Variants in VWF observed in about 807,000 individuals in gnomAD.
VWF encodes the protein von Willebrand factor.
In VWF, 176 loss-of-function variants were observed where a neutral mutation model predicts 308.6. That is an observed-to-expected ratio of 0.57 (90% confidence interval 0.50 to 0.65). The LOEUF (loss-of-function observed/expected upper bound fraction) is 0.65, where lower values mean the gene tolerates loss of function less well. Ranked by LOEUF, VWF falls within the 30% of genes least tolerant of loss-of-function variation. VWF has a pLI of 0.00. For missense variants in VWF, 3,146 were observed against 3,648.2 expected, an observed-to-expected ratio of 0.86 and a Z score of 3.55; for synonymous variants, 1,385 against 1,443.4, an observed-to-expected ratio of 0.96 and a Z score of 0.92.
At chr12:6,044,175 T>C (rs146679941) in intron 18 of VWF, 116 bp downstream of exon 18, 353 of 1,341,176 alleles carry the variant, frequency 2.6e-4, no homozygotes, top group Non-Finnish European at 3.5e-4. Flanking sequence ...ACCACCTCCA[T>C]TGCTATCCGT....
intron 38 of VWF, 84 bp from the exon 39 acceptor site, chr12:5,985,749 T>G: frequency 1.5e-6 from 2 of 1,301,356 alleles, no homozygotes; most frequent in Non-Finnish European, 2.2e-6. Context: ...TCTCCCTGCC[T>G]CCGGCAAGGG....
At chr12:6,120,192 G>A (rs1460165414) in intron 3 of VWF, among the ~76,000 whole-genome samples, 2 of 152,226 alleles carry the variant, frequency 1.3e-5, no homozygotes, top group Non-Finnish European at 2.9e-5. Flanking sequence ...TCTCAGGTAA[G>A]TGTCCAGGTG....
At chr12:6,032,198 G>GAA (rs1260911085) in intron 20 of VWF, among the ~76,000 whole-genome samples, 20 of 151,946 alleles carry the variant, frequency 1.3e-4, no homozygotes, top group African/African-American at 4.6e-4. Flanking sequence ...GTGATGTGAT[G>GAA]AAAAAGAAAG....
chr12:6,103,495 TAC>T lies in VWF; in HGVS notation c.532+6877_532+6878del, dbSNP rs540437486. 2.1e-3 allele frequency among the ~76,000 whole-genome samples: 291 copies of T among 135,750 alleles called. 26 individuals carry two copies. The highest frequency in any genetic ancestry group is 0.014 in the East Asian group (68 of 4,932). 89.1% of individuals were successfully genotyped at this position (135,750 alleles called of 152,430 possible). A position where few individuals can be genotyped will look rare whatever the true frequency, so the allele number is the denominator to read the frequency against. ...ATGTGTGTATATACATATATGTGTA[TAC>T]ACACACGTATATATATACACACATA... On this transcript the variant is annotated intron_variant, in intron 5 of 51. Coordinates refer to ENST00000261405, the MANE Select transcript of VWF (RefSeq NM_000552.5).
chr12:5,972,409 A>G (rs546059379), intron 43 of VWF, among the ~76,000 whole-genome samples: 1 of 152,346 alleles, frequency 6.6e-6, no homozygotes, highest in East Asian at 1.9e-4. Context: ...AAGAATAGTC[A>G]AAGCAATGAC....
intron 6 of VWF, among the ~76,000 whole-genome samples, chr12:6,089,166 G>A (rs532763754): frequency 6.6e-5 from 10 of 152,224 alleles, no homozygotes; most frequent in South Asian, 2.1e-4. Flanking sequence ...GGGGCCCTGC[G>A]GGACTACACA....
Position 6,029,399 on chromosome 12 carries a change from G to C in VWF, c.2910C>G (p.Leu970=). The C allele has an allele frequency of 6.2e-7, 1 of 1,614,092 alleles. No homozygotes were observed. Among genetic ancestry groups the C allele is most frequent in the Non-Finnish European group, 8.5e-7 (1 of 1,180,018 alleles). ...TCAGGTGGCGGTCCCAGACCACGGA[G>C]AGGGCTTTGCCCAGCAGCAGAATGA... ...RYIILLLGKA[L]SVVWDRHLSI... Residue 970 remains leucine, a synonymous_variant, in exon 22 of 52, where the codon CTC becomes CTG. Transcript: ENST00000261405.
intron 37 of VWF, 114 bp from the exon 38 acceptor site, chr12:5,992,132 A>G: frequency 1.0e-6 from 1 of 977,454 alleles, no homozygotes; most frequent in African/African-American, 1.6e-5. Context: ...AGAGACGGCT[A>G]TTTTCCACCA....
rs1231213969 is a variant in VWF, at chr12:6,020,117, T to A, written c.3675-374A>T. On this transcript the variant is annotated intron_variant, in intron 27 of 51. Coordinates refer to ENST00000261405, the MANE Select transcript of VWF (RefSeq NM_000552.5). The surrounding 1 kb of genome is among the most constrained non-coding windows in gnomAD (Gnocchi z 4.3). ...TACTTAATTATAATCCAAGCCTTCT[T>A]ACAAGTGTCTCCAAGAACAAATGTT... is the stretch of plus-strand genomic sequence containing the variant. Among the ~76,000 whole-genome samples the A allele has an allele frequency of 1.3e-5, 2 of 152,260 alleles. No individual in the cohort carries two copies. The highest frequency in any genetic ancestry group is 2.9e-5 in the Non-Finnish European group (2 of 68,044).
intron 6 of VWF, among the ~76,000 whole-genome samples, chr12:6,079,315 C>T (rs144498997): frequency 3.3e-4 from 51 of 152,292 alleles, no homozygotes; most frequent in African/African-American, 1.2e-3. Context: ...GACACAGAAA[C>T]AGGTCCAAGG....
chr12:6,012,456 C>A (rs1480783291), intron 32 of VWF, among the ~76,000 whole-genome samples: 3 of 152,220 alleles, frequency 2.0e-5, no homozygotes, highest in Non-Finnish European at 4.4e-5. Context: ...AAGCAAGATC[C>A]TGGAAACCTG....
chr12:6,040,331 T>C (rs1944383550), intron 18 of VWF, among the ~76,000 whole-genome samples: 1 of 152,296 alleles, frequency 6.6e-6, no homozygotes, highest in South Asian at 2.1e-4. Context: ...ATTTTATCGA[T>C]CCGGCAGGTC....
chr12:6,037,226 AT>A (rs1235397478), intron 18 of VWF, among the ~76,000 whole-genome samples: 1 of 152,156 alleles, frequency 6.6e-6, no homozygotes, highest in Non-Finnish European at 1.5e-5. Flanking sequence ...CAGTTTTAAA[AT>A]TTTTTTCCAA....
At chr12:5,993,759 A>C in intron 37 of VWF, 103 bp downstream of exon 37, 1 of 1,072,550 alleles carries the variant, frequency 9.3e-7, no homozygotes, top group Non-Finnish European at 1.4e-6. Context: ...AAATACAGGG[A>C]TTTTCATCCT....
At chr12:6,119,891 C>T (rs1303252928) in intron 3 of VWF, among the ~76,000 whole-genome samples, 5 of 152,144 alleles carry the variant, frequency 3.3e-5, no homozygotes, top group Non-Finnish European at 7.3e-5. Flanking sequence ...ACAGAGAACT[C>T]GGTGAGCTAA....
chr12:6,102,301 G>A (rs947536483), intron 5 of VWF, among the ~76,000 whole-genome samples: 1 of 152,104 alleles, frequency 6.6e-6, no homozygotes, highest in African/African-American at 2.4e-5. Flanking sequence ...AATTAGCTGC[G>A]CATGGTGATG....
Position 5,984,017 on chromosome 12 carries a change from T to TAGATAGAC in VWF, c.6977-764_6977-763insGTCTATCT, listed in dbSNP as rs60466769. Among the ~76,000 whole-genome samples, 482 of 134,560 alleles carry TAGATAGAC rather than the reference T, an allele frequency of 3.6e-3. 2 individuals carry two copies. The highest frequency in any genetic ancestry group is 0.014 in the African/African-American group (433 of 32,054). 88.3% of individuals were successfully genotyped at this position (134,560 alleles called of 152,430 possible). A position where few individuals can be genotyped will look rare whatever the true frequency, so the allele number is the denominator to read the frequency against. On this transcript the variant is annotated intron_variant, in intron 40 of 51. Transcript: ENST00000261405. ...ATAGATAGATAGATAGATAGATAGA[T>TAGATAGAC]AGACAGACAGACAGACAGACAGATA...
intron 10 of VWF, among the ~76,000 whole-genome samples, chr12:6,066,099 G>C (rs1944711179): frequency 6.6e-6 from 1 of 152,142 alleles, no homozygotes; most frequent in Non-Finnish European, 1.5e-5. Context: ...GCAACCCAAA[G>C]CCCTCAGCTT....
intron 27 of VWF, chr12:6,021,612 A>G (rs1944129753): frequency 2.7e-6 from 1 of 374,730 alleles, no homozygotes; most frequent in African/African-American, 2.1e-5. Flanking sequence ...TCAGTGAGAA[A>G]AGCAAAAACC....
Sources: allele counts gnomAD v4.1 joint callset (sites outside exome capture counted in the v4.1 genomes callset), GRCh38; gene constraint gnomAD v4.1.1; non-coding constraint Gnocchi (gnomAD v3.1); transcripts MANE v1.5; gene names NCBI Gene and HGNC (gene_info 2026-07-23, HGNC 2026-07-21).